The following LRRC4C variants were observed in gnomAD, a reference collection of about 807,000 sequenced individuals.
LRRC4C encodes the protein leucine rich repeat containing 4C, also known as leucine-rich repeat-containing protein 4C.
LRRC4C carries 5 observed loss-of-function variants against 33.6 expected under a neutral mutation model. The observed-to-expected ratio is 0.15, with a 90% CI of 0.08 to 0.31. The LOEUF (loss-of-function observed/expected upper bound fraction) is 0.31. Among genes scored for constraint, LRRC4C ranks in the 10% least tolerant of loss-of-function variants. The probability of loss-of-function intolerance (pLI) is 1.00; values close to 1 mark genes in which losing one functional copy is unlikely to be tolerated. For synonymous variants in LRRC4C, 329 were observed against 302.0 expected, an observed-to-expected ratio of 1.09 and a Z score of -0.93; for missense variants, 560 against 796.7, an observed-to-expected ratio of 0.70 and a Z score of 3.58.
At chr11:40,297,030 A>G (rs1237988073) in intron 4 of LRRC4C, among the ~76,000 whole-genome samples, 1 of 152,230 alleles carries the variant, frequency 6.6e-6, no homozygotes, top group African/African-American at 2.4e-5. Flanking sequence ...CAAAACTGTT[A>G]TCTTATTTCA....
intron 5 of LRRC4C, among the ~76,000 whole-genome samples, chr11:40,169,547 T>C (rs1283269001): frequency 6.6e-6 from 1 of 152,148 alleles, no homozygotes; most frequent in African/African-American, 2.4e-5. Flanking sequence ...TAAATATGAG[T>C]ATAGTACAAC....
chr11:41,202,090 T>A lies in LRRC4C; in HGVS notation c.-496+257341A>T, dbSNP rs79182479. Among the ~76,000 whole-genome samples the A allele has an allele frequency of 8.2e-3, 1,245 of 152,274 alleles. 13 individuals are homozygous for A. The highest frequency in any genetic ancestry group is 0.028 in the African/African-American group (1,174 of 41,550). On this transcript the variant is annotated intron_variant, in intron 1 of 6. Transcript: ENST00000528697. ...GCCCCACCTCCAGAACTTATTGATG[T>A]CCTCTTTGGAACACCGGCTCTTCCT... is the stretch of plus-strand genomic sequence containing the variant.
chr11:40,819,603 T>C (rs1318949570), intron 2 of LRRC4C, among the ~76,000 whole-genome samples: 2 of 152,110 alleles, frequency 1.3e-5, no homozygotes, highest in East Asian at 1.9e-4. Flanking sequence ...TACATATATG[T>C]AGTTAAAAAT....
intron 2 of LRRC4C, among the ~76,000 whole-genome samples, chr11:40,700,031 C>T (rs917502205): frequency 6.6e-6 from 1 of 152,088 alleles, no homozygotes; most frequent in African/African-American, 2.4e-5. Context: ...TGGGTGCCCT[C>T]TATGTCATCC....
In LRRC4C at chr11:40,192,334, TG is replaced by T. The variant is rs148923793; in HGVS notation, c.-96+49184del. On this transcript the variant is annotated intron_variant, in intron 5 of 6. Coordinates refer to ENST00000528697, the MANE Select transcript of LRRC4C (RefSeq NM_001258419.2). ...CACAGAGGGCGAGCAGAAGCAGGGT[TG>T]GGCATCGCCTCACCCAGGAAGCACA... Among the ~76,000 whole-genome samples, 14 of 152,150 alleles carry T rather than the reference TG, an allele frequency of 9.2e-5. No homozygotes were observed. The East Asian group carries it at 2.5e-3, about 28-fold the overall frequency.
chr11:40,286,108 G>C (rs1041033377), intron 4 of LRRC4C, among the ~76,000 whole-genome samples: 20 of 152,148 alleles, frequency 1.3e-4, no homozygotes, highest in Admixed American at 2.6e-4. Context: ...GTGATCCCAA[G>C]TGGATGCCTG....
intron 3 of LRRC4C, among the ~76,000 whole-genome samples, chr11:40,436,885 ACTGAGAGG>A (rs1951163078): frequency 6.6e-6 from 1 of 152,090 alleles, no homozygotes; most frequent in Non-Finnish European, 1.5e-5. Flanking sequence ...CGAAAGCCTG[ACTGAGAGG>A]CTGTTAGAGA....
chr11:40,413,446 AT>A (rs1950220480), intron 3 of LRRC4C, among the ~76,000 whole-genome samples: 1 of 152,060 alleles, frequency 6.6e-6, no homozygotes, highest in East Asian at 1.9e-4. Context: ...ACATTTGTAA[AT>A]CTTTTACATC....
intron 1 of LRRC4C, among the ~76,000 whole-genome samples, chr11:40,973,200 T>G (rs530835292): frequency 2.6e-5 from 4 of 152,166 alleles, no homozygotes; most frequent in African/African-American, 7.2e-5. Flanking sequence ...TCTTGAGTAA[T>G]TCTTTATTGC....
At chr11:41,097,878 T>C (rs1940913912) in intron 1 of LRRC4C, among the ~76,000 whole-genome samples, 1 of 152,108 alleles carries the variant, frequency 6.6e-6, no homozygotes, top group South Asian at 2.1e-4. Flanking sequence ...TTGGTGGCTA[T>C]CTGAAGTTTT....
intron 2 of LRRC4C, among the ~76,000 whole-genome samples, chr11:40,918,025 A>G (rs1957031978): frequency 6.6e-6 from 1 of 152,152 alleles, no homozygotes; most frequent in Admixed American, 6.6e-5. Flanking sequence ...GAACAATGCC[A>G]TGATCACAGA....
intron 5 of LRRC4C, among the ~76,000 whole-genome samples, chr11:40,146,998 A>C (rs2135055947): frequency 6.6e-6 from 1 of 152,296 alleles, no homozygotes; most frequent in South Asian, 2.1e-4. Flanking sequence ...CCTTTTGGGA[A>C]GGACCTAGTC....
At chr11:40,246,040 C>T (rs1460105374) in intron 4 of LRRC4C, among the ~76,000 whole-genome samples, 1 of 146,326 alleles carries the variant, frequency 6.8e-6, no homozygotes. Flanking sequence ...GTGGTGTAAT[C>T]TCAGCTCACT....
intron 2 of LRRC4C, among the ~76,000 whole-genome samples, chr11:40,759,961 A>G (rs1591645140): frequency 4.8e-5 from 2 of 41,304 alleles, no homozygotes; most frequent in South Asian, 1.3e-3. Flanking sequence ...AACAACAACA[A>G]CAAAAAAAAA....
At chr11:40,880,687 A>C (rs894864303) in intron 2 of LRRC4C, among the ~76,000 whole-genome samples, 7 of 151,792 alleles carry the variant, frequency 4.6e-5, no homozygotes, top group African/African-American at 1.7e-4. Flanking sequence ...TAATTCTAAT[A>C]CCTAATAATT....
rs147199489 is a variant in LRRC4C, at chr11:40,441,164, T to C, written c.-269-121443A>G. ...GTCCCTCATCCAGTTCTCATCAATC[T>C]AAGGATTTCATTCTTATAACTGCAT... On this transcript the variant is annotated intron_variant, in intron 3 of 6. Coordinates refer to ENST00000528697, the MANE Select transcript of LRRC4C (RefSeq NM_001258419.2). Among the ~76,000 whole-genome samples the C allele has an allele frequency of 4.4e-4, 67 of 152,286 alleles. 1 individual carries two copies. The highest frequency in any genetic ancestry group is 1.5e-3 in the African/African-American group (63 of 41,566).
At chr11:40,497,380 G>A (rs138214568) in intron 3 of LRRC4C, among the ~76,000 whole-genome samples, 1,739 of 151,426 alleles carry the variant, frequency 0.011, 39 homozygotes, top group African/African-American at 0.04. Flanking sequence ...CTCCAGCCTG[G>A]GCAACAAAAG....
At chr11:40,537,650 A>G (rs1231832779) in intron 3 of LRRC4C, among the ~76,000 whole-genome samples, 6 of 152,166 alleles carry the variant, frequency 3.9e-5, no homozygotes, top group South Asian at 2.1e-4. Flanking sequence ...CTCAAAAACC[A>G]TATCTCAGAT....
At chr11:40,928,655 C>T (rs997032667) in intron 2 of LRRC4C, among the ~76,000 whole-genome samples, 2 of 151,918 alleles carry the variant, frequency 1.3e-5, no homozygotes, top group East Asian at 3.9e-4. Flanking sequence ...TTTGGCATTC[C>T]GTACAAATGC....
Sources: gnomAD v4.1 joint callset for allele counts (sites outside exome capture counted in the v4.1 genomes callset) on GRCh38, gnomAD v4.1.1 for gene constraint, MANE v1.5 for transcripts, NCBI Gene and HGNC (gene_info 2026-07-23, HGNC 2026-07-21) for gene names.